The following RPTOR variants were observed in gnomAD, a reference collection of about 807,000 sequenced individuals.
The protein encoded by RPTOR is regulatory-associated protein of mTOR.
A neutral mutation model predicts 169.9 loss-of-function variants in RPTOR; 21 were observed. The ratio of observed to expected loss-of-function variants is 0.12; its 90% CI spans 0.09 to 0.18. RPTOR has a LOEUF of 0.18. Among genes scored for constraint, RPTOR ranks in the 10% least tolerant of loss-of-function variants. The probability of loss-of-function intolerance (pLI) is 1.00; values close to 1 mark genes in which losing one functional copy is unlikely to be tolerated. For synonymous variants in RPTOR, 732 were observed against 753.2 expected (o/e 0.97, Z 0.46); for missense variants, 1,133 against 1,855.9 (o/e 0.61, Z 7.16).
intron 3 of RPTOR, among the ~76,000 whole-genome samples, chr17:80,677,586 C>T (rs899500171): frequency 1.3e-5 from 2 of 152,154 alleles, no homozygotes; most frequent in African/African-American, 4.8e-5. Context: ...CCTTCCCTCT[C>T]ACCAGACTGC....
intron 19 of RPTOR, 128 bp from the exon 20 acceptor site, chr17:80,893,579 G>A (rs2068361031): frequency 8.4e-7 from 1 of 1,196,248 alleles, no homozygotes; most frequent in African/African-American, 1.6e-5. Context: ...TGTGTACCAG[G>A]GTGTGTTTGT....
intron 13 of RPTOR, among the ~76,000 whole-genome samples, chr17:80,869,898 A>C (rs769692243): frequency 2.6e-5 from 4 of 152,176 alleles, no homozygotes; most frequent in Non-Finnish European, 4.4e-5. Flanking sequence ...AGAGCTCAAG[A>C]GCAGCAGAAC....
chr17:80,933,318 G>A (rs1278387792), intron 24 of RPTOR, among the ~76,000 whole-genome samples: 1 of 152,120 alleles, frequency 6.6e-6, no homozygotes, highest in African/African-American at 2.4e-5. Context: ...GTAACCATTT[G>A]TATCAGAATC....
chr17:80,876,081 G>A (rs1195520386), intron 13 of RPTOR, among the ~76,000 whole-genome samples: 2 of 80,206 alleles, frequency 2.5e-5, no homozygotes, highest in Admixed American at 2.5e-4. Flanking sequence ...GCCACGCAGG[G>A]TGTGTGTGTC....
intron 17 of RPTOR, among the ~76,000 whole-genome samples, chr17:80,887,948 G>A (rs2143854181): frequency 6.6e-6 from 1 of 152,192 alleles, no homozygotes; most frequent in Non-Finnish European, 1.5e-5. Context: ...AGAAGGGCCA[G>A]GCCAGGGGTG....
At chr17:80,590,491 T>C (rs56081684) in intron 1 of RPTOR, among the ~76,000 whole-genome samples, 2 of 150,250 alleles carry the variant, frequency 1.3e-5, no homozygotes, top group African/African-American at 4.9e-5. Context: ...TATGCGCACA[T>C]GCGTGCACAC....
chr17:80,632,481 A>C (rs2065450005), intron 2 of RPTOR, among the ~76,000 whole-genome samples: 1 of 152,224 alleles, frequency 6.6e-6, no homozygotes, highest in African/African-American at 2.4e-5. Flanking sequence ...GTTAATGAGA[A>C]TGGAAAAACT....
At chr17:80,763,480 G>A (rs1185674711) in intron 6 of RPTOR, among the ~76,000 whole-genome samples, 3 of 152,198 alleles carry the variant, frequency 2.0e-5, no homozygotes, top group African/African-American at 7.2e-5. Context: ...ACCTGACAAC[G>A]TGGCCTCGAA....
At chr17:80,599,197 C>A (rs1344042204) in intron 1 of RPTOR, among the ~76,000 whole-genome samples, 3 of 152,188 alleles carry the variant, frequency 2.0e-5, no homozygotes, top group African/African-American at 7.2e-5. Flanking sequence ...TCCCCTGGAT[C>A]TGCTGGGGCG....
rs1389061851 is a variant in RPTOR, at chr17:80,695,788, A to G, written c.349-12053A>G. Among the ~76,000 whole-genome samples the G allele has an allele frequency of 6.6e-6, 1 of 152,220 alleles. No individual in the cohort carries two copies. The highest frequency in any genetic ancestry group is 1.5e-5 in the Non-Finnish European group (1 of 68,030). ...CATCTTTACAGAGTGACAGGAGCTC[A>G]GGATGCAGAGGCACCAAGGCCAGGG... On this transcript the variant is annotated intron_variant, in intron 3 of 33. Transcript: ENST00000306801. This position sits in a 1 kb window ranked among gnomAD's most constrained non-coding sequence, Gnocchi z 4.9.
chr17:80,601,174 C>T (rs2065183257), intron 1 of RPTOR, among the ~76,000 whole-genome samples: 1 of 152,266 alleles, frequency 6.6e-6, no homozygotes, highest in Admixed American at 6.5e-5. Context: ...TGTCAGCCGC[C>T]AGATGTGTGA....
At chr17:80,919,961 G>A (rs1200030736) in intron 21 of RPTOR, among the ~76,000 whole-genome samples, 2 of 152,252 alleles carry the variant, frequency 1.3e-5, no homozygotes, top group Non-Finnish European at 2.9e-5. Context: ...CCTCCAGGCA[G>A]GCCTGGGCCC....
chr17:80,820,063 C>G lies in RPTOR; in HGVS notation c.891-2138C>G, dbSNP rs975631746. Among the ~76,000 whole-genome samples the G allele has an allele frequency of 2.0e-5, 3 of 152,090 alleles. No homozygotes were observed. The highest frequency in any genetic ancestry group is 4.8e-5 in the African/African-American group (2 of 41,392). On this transcript the variant is annotated intron_variant, in intron 7 of 33. Coordinates refer to ENST00000306801, the MANE Select transcript of RPTOR (RefSeq NM_020761.3). The surrounding 1 kb of genome is among the most constrained non-coding windows in gnomAD (Gnocchi z 4.1). The stretch of plus-strand genomic sequence containing the variant: ...CAGATATGTTGAGAGAGGAGAGAAC[C>G]CGTGACAGGATGCTGAAGATCAGCA...
chr17:80,945,799 C>G lies in RPTOR; in HGVS notation c.3140+18C>G. 1 of 1,492,864 alleles carries G rather than the reference C, an allele frequency of 6.7e-7. No individual in the cohort carries two copies. Among genetic ancestry groups the G allele is most frequent in the Non-Finnish European group, 9.1e-7 (1 of 1,095,298 alleles). 92.5% of individuals were successfully genotyped at this position (1,492,864 alleles called of 1,614,324 possible). A position where few individuals can be genotyped will look rare whatever the true frequency, so the allele number is the denominator to read the frequency against. ...AGCATCTGGTATGCACCGCGCTGGT[C>G]AGGCCTCCCTTCCGGCTGACCGACA... On this transcript the variant is annotated intron_variant, in intron 26 of 33. Coordinates refer to ENST00000306801, the MANE Select transcript of RPTOR (RefSeq NM_020761.3).
chr17:80,901,416 G>A (rs1005875368), intron 20 of RPTOR, among the ~76,000 whole-genome samples: 5 of 151,566 alleles, frequency 3.3e-5, no homozygotes, highest in South Asian at 2.1e-4. Flanking sequence ...AGTTTTATTC[G>A]TATATCATTC....
At chr17:80,859,866 C>T (rs1434112901) in intron 13 of RPTOR, among the ~76,000 whole-genome samples, 3 of 152,216 alleles carry the variant, frequency 2.0e-5, no homozygotes, top group African/African-American at 4.8e-5. Flanking sequence ...ACTGGTGAGG[C>T]GCCGCCCACA....
chr17:80,952,766 G>A (rs887863619), intron 28 of RPTOR, among the ~76,000 whole-genome samples: 2 of 152,002 alleles, frequency 1.3e-5, no homozygotes, highest in African/African-American at 2.4e-5. Flanking sequence ...ATCGTGCCTG[G>A]GACGTGGCTG....
At chr17:80,763,872 A>ATT (rs899417687) in intron 6 of RPTOR, among the ~76,000 whole-genome samples, 1 of 151,252 alleles carries the variant, frequency 6.6e-6, no homozygotes, top group Non-Finnish European at 1.5e-5. Flanking sequence ...TATATTTTTT[A>ATT]TTTTTTTTTA....
chr17:80,870,590 C>G (rs1214707553), intron 13 of RPTOR, among the ~76,000 whole-genome samples: 1 of 152,236 alleles, frequency 6.6e-6, no homozygotes, highest in Non-Finnish European at 1.5e-5. Context: ...ATGACTCAGT[C>G]TCACCAAGGG....
Sources: gnomAD v4.1 joint callset for allele counts (sites outside exome capture counted in the v4.1 genomes callset) on GRCh38, gnomAD v4.1.1 for gene constraint, Gnocchi (gnomAD v3.1) non-coding constraint, MANE v1.5 for transcripts, NCBI Gene and HGNC (gene_info 2026-07-23, HGNC 2026-07-21) for gene names.